LRRC37A2: variants seen among roughly 807,000 people sequenced by gnomAD.
The protein encoded by LRRC37A2 is leucine rich repeat containing 37 member A2.
A neutral mutation model predicts 68.8 loss-of-function variants in LRRC37A2; 9 were observed. That is an observed-to-expected ratio of 0.13 (90% confidence interval 0.08 to 0.23). The LOEUF (loss-of-function observed/expected upper bound fraction) is 0.23. Ranked by LOEUF, LRRC37A2 falls within the 10% of genes least tolerant of loss-of-function variation. The pLI is 1.00. For missense variants in LRRC37A2, 168 were observed against 950.4 expected, an observed-to-expected ratio of 0.18 and a Z score of 10.82; for synonymous variants, 63 against 367.6, an observed-to-expected ratio of 0.17 and a Z score of 9.48.
chr17:46,834,032 C>A, the LRRC37A2 span, among the ~76,000 whole-genome samples: 1 of 151,864 alleles, frequency 6.6e-6, no homozygotes, highest in South Asian at 2.1e-4. Context: ...CCTGTCTCTG[C>A]AAAAATTTAA....
At chr17:46,553,338 A>AC in intron 11 of LRRC37A2, 62 bp from the exon 11 acceptor site, 1 of 1,608,294 alleles carries the variant, frequency 6.2e-7, no homozygotes, top group Non-Finnish European at 8.5e-7. Flanking sequence ...AGGAATCAAT[A>AC]CAGATTTGGA....
chr17:46,715,904 T>C, the LRRC37A2 span, among the ~76,000 whole-genome samples: 3 of 152,218 alleles, frequency 2.0e-5, no homozygotes, highest in Non-Finnish European at 4.4e-5. Flanking sequence ...CATGATTCAC[T>C]GTCCGGATCA....
At chr17:46,491,112 G>T in the LRRC37A2 span, among the ~76,000 whole-genome samples, 5 of 150,824 alleles carry the variant, frequency 3.3e-5, no homozygotes, top group Admixed American at 2.0e-4. Flanking sequence ...GCCCAGGCTG[G>T]TGTCGAACTC....
the LRRC37A2 span, among the ~76,000 whole-genome samples, chr17:46,987,851 C>G: frequency 3.3e-5 from 5 of 152,198 alleles, no homozygotes; most frequent in African/African-American, 1.2e-4. Context: ...CTTACACATA[C>G]TTTAATAATG....
chr17:46,929,510 C>G, the LRRC37A2 span: 1 of 1,481,190 alleles, frequency 6.8e-7, no homozygotes, highest in Admixed American at 1.7e-5. Context: ...CCTCCCTCTT[C>G]CTTTGATAGG....
the LRRC37A2 span, chr17:46,923,199 C>T: frequency 2.4e-5 from 37 of 1,547,222 alleles, no homozygotes; most frequent in Middle Eastern, 1.7e-4. Context: ...CGACATGGAT[C>T]CCCTGTTCCA....
chr17:46,817,219 G>A, the LRRC37A2 span, among the ~76,000 whole-genome samples: 1 of 152,154 alleles, frequency 6.6e-6, no homozygotes, highest in Non-Finnish European at 1.5e-5. Flanking sequence ...CGCTGTCTCT[G>A]CTCCTCCTAC....
the LRRC37A2 span, chr17:46,922,943 GA>G: frequency 3.5e-6 from 2 of 579,364 alleles, no homozygotes; most frequent in East Asian, 5.8e-5. Flanking sequence ...AGCCTTCAGC[GA>G]ACATGTACAC....
chr17:46,936,158 C>T, the LRRC37A2 span: 12 of 984,604 alleles, frequency 1.2e-5, no homozygotes, highest in South Asian at 4.7e-5. Context: ...GCCTGCTGGG[C>T]GCTCCCCTTT....
chr17:46,712,719 G>A, the LRRC37A2 span, among the ~76,000 whole-genome samples: 1 of 152,080 alleles, frequency 6.6e-6, no homozygotes, highest in African/African-American at 2.4e-5. Flanking sequence ...GGGTTGAGAC[G>A]AAAAGGAGGC....
the LRRC37A2 span, among the ~76,000 whole-genome samples, chr17:46,854,430 GA>G: frequency 2.6e-4 from 40 of 152,182 alleles, no homozygotes; most frequent in African/African-American, 9.2e-4. Flanking sequence ...TGGGCTCTTT[GA>G]AATCATAGAA....
At chr17:46,910,919 G>A in the LRRC37A2 span, among the ~76,000 whole-genome samples, 4 of 152,180 alleles carry the variant, frequency 2.6e-5, no homozygotes, top group Admixed American at 6.5e-5. Flanking sequence ...GGGAAGGCAC[G>A]ATTCCAAGCT....
At chr17:46,757,257 T>G in the LRRC37A2 span, 1 of 152,526 alleles carries the variant, frequency 6.6e-6, no homozygotes. Context: ...TGGATTGTAT[T>G]GTGAGATCCT....
At chr17:46,878,989 A>T in the LRRC37A2 span, among the ~76,000 whole-genome samples, 1 of 151,818 alleles carries the variant, frequency 6.6e-6, no homozygotes, top group Non-Finnish European at 1.5e-5. Context: ...CTGAAGACCC[A>T]CCTCGGCCCT....
At chr17:46,732,906 T>A in the LRRC37A2 span, among the ~76,000 whole-genome samples, 1 of 152,206 alleles carries the variant, frequency 6.6e-6, no homozygotes, top group Non-Finnish European at 1.5e-5. Context: ...CCAGCCTGCT[T>A]CATCTACATG....
chr17:46,874,881 A>G, the LRRC37A2 span: 6 of 703,232 alleles, frequency 8.5e-6, no homozygotes, highest in African/African-American at 8.8e-5. Context: ...CCCAGCCTGG[A>G]AGTTCCATTT....
At chr17:46,460,971 G>A in the LRRC37A2 span, among the ~76,000 whole-genome samples, 1 of 47,790 alleles carries the variant, frequency 2.1e-5, no homozygotes, top group Non-Finnish European at 4.3e-5. Flanking sequence ...TGAACCCTGA[G>A]CAGGAGAAAT....
chr17:46,589,219 CTA>C, the LRRC37A2 span, among the ~76,000 whole-genome samples: 1 of 81,580 alleles, frequency 1.2e-5, no homozygotes, highest in East Asian at 6.3e-4. Flanking sequence ...CAGAACTCAA[CTA>C]GTTTCCTATC....
chr17:46,818,544 C>T, the LRRC37A2 span: 1 of 1,608,740 alleles, frequency 6.2e-7, no homozygotes, highest in East Asian at 2.2e-5. Flanking sequence ...CAGCGAGGAC[C>T]CTGGTGCCAC....
Sources: allele counts gnomAD v4.1 joint callset (sites outside exome capture counted in the v4.1 genomes callset), GRCh38; gene constraint gnomAD v4.1.1; transcripts MANE v1.5; gene names NCBI Gene and HGNC (gene_info 2026-07-23, HGNC 2026-07-21).